NRXN3: variants seen among roughly 807,000 people sequenced by gnomAD.
The protein encoded by NRXN3 is neurexin III.
NRXN3 carries 32 observed loss-of-function variants against 137.6 expected under a neutral mutation model. The ratio of observed to expected loss-of-function variants is 0.23; its 90% CI spans 0.18 to 0.31. The LOEUF (loss-of-function observed/expected upper bound fraction) is 0.31. Among genes scored for constraint, NRXN3 ranks in the 10% least tolerant of loss-of-function variants. The probability of loss-of-function intolerance (pLI) is 1.00; values close to 1 mark genes in which losing one functional copy is unlikely to be tolerated. For missense variants in NRXN3, 1,574 were observed against 2,062.5 expected (o/e 0.76, Z 4.59); for synonymous variants, 798 against 784.5 (o/e 1.02, Z -0.29).
intron 15 of NRXN3, among the ~76,000 whole-genome samples, chr14:79,219,683 A>G (rs2069181098): frequency 6.6e-6 from 1 of 152,174 alleles, no homozygotes; most frequent in African/African-American, 2.4e-5. Flanking sequence ...GAAAATGCAA[A>G]GATTCACAAC....
intron 15 of NRXN3, among the ~76,000 whole-genome samples, chr14:79,307,796 A>T (rs1470785420): frequency 3.4e-5 from 5 of 146,944 alleles, no homozygotes; most frequent in African/African-American, 1.0e-4. Flanking sequence ...CTCTTTCTTT[A>T]TTTTTTTTCT....
At chr14:78,729,430 C>A (rs1348117007) in intron 8 of NRXN3, among the ~76,000 whole-genome samples, 1 of 152,054 alleles carries the variant, frequency 6.6e-6, no homozygotes. Context: ...TTAGGACTTT[C>A]CAAGGGGCAA....
intron 8 of NRXN3, among the ~76,000 whole-genome samples, chr14:78,755,807 C>T (rs1393257853): frequency 6.6e-6 from 1 of 152,142 alleles, no homozygotes; most frequent in Non-Finnish European, 1.5e-5. Context: ...TTGGCATTAC[C>T]AAAATGAATA....
rs560004605 is a variant in NRXN3 at position 79,279,363 on chromosome 14, T to C, written c.3263-187858T>C. On this transcript the variant is annotated intron_variant, in intron 15 of 20. Transcript: ENST00000335750. ...CATATGACTTGCCCATTTGTGAATTTGGCTCCCCAACTCCTCGCTTCACTT... is the reference window on the plus strand; with the variant it reads ...CATATGACTTGCCCATTTGTGAATTCGGCTCCCCAACTCCTCGCTTCACTT... 88 of 985,982 alleles carry C rather than the reference T, an allele frequency of 8.9e-5. No individual in the cohort carries two copies. The African/African-American group carries it at 1.4e-3, about 15-fold the overall frequency. The allele number at this position is 985,982 out of a possible 1,614,324, so 61.1% of individuals were successfully genotyped here. A position where few individuals can be genotyped will look rare whatever the true frequency, so the allele number is the denominator to read the frequency against.
At chr14:79,105,250 T>C (rs2052177982) in intron 15 of NRXN3, among the ~76,000 whole-genome samples, 1 of 152,150 alleles carries the variant, frequency 6.6e-6, no homozygotes, top group African/African-American at 2.4e-5. Flanking sequence ...ATGAATACTA[T>C]TTTAATGTCT....
chr14:78,288,997 A>G (rs1022265116), intron 3 of NRXN3, among the ~76,000 whole-genome samples: 4 of 152,190 alleles, frequency 2.6e-5, no homozygotes, highest in Admixed American at 2.0e-4. Flanking sequence ...ACAAAAGGCT[A>G]GGTGGTGAGG....
At chr14:79,371,542 T>C (rs1255618274) in intron 15 of NRXN3, among the ~76,000 whole-genome samples, 1 of 152,190 alleles carries the variant, frequency 6.6e-6, no homozygotes, top group African/African-American at 2.4e-5. Context: ...TAAAAAATGG[T>C]ATTTAAATCC....
At chr14:79,354,084 A>G (rs761611457) in intron 15 of NRXN3, among the ~76,000 whole-genome samples, 1 of 152,196 alleles carries the variant, frequency 6.6e-6, no homozygotes, top group Non-Finnish European at 1.5e-5. Flanking sequence ...TGAAAGTGAC[A>G]CATTCTTGTT....
At chr14:79,022,891 A>G (rs2099591956) in intron 15 of NRXN3, among the ~76,000 whole-genome samples, 1 of 152,152 alleles carries the variant, frequency 6.6e-6, no homozygotes, top group African/African-American at 2.4e-5. Context: ...GTTATTTATT[A>G]TAGAACAGCA....
At chr14:79,414,792 C>G (rs2597088) in intron 15 of NRXN3, among the ~76,000 whole-genome samples, 1 of 151,836 alleles carries the variant, frequency 6.6e-6, no homozygotes, top group Admixed American at 6.6e-5. Flanking sequence ...TCTCCATACT[C>G]TATATTAGGT....
At chr14:79,660,661 T>A (rs1010704244) in intron 16 of NRXN3, among the ~76,000 whole-genome samples, 2 of 152,202 alleles carry the variant, frequency 1.3e-5, no homozygotes. Flanking sequence ...ACTGAAAAGC[T>A]ACAGAATGCT....
intron 15 of NRXN3, among the ~76,000 whole-genome samples, chr14:79,002,299 A>G (rs1249172427): frequency 1.3e-5 from 2 of 152,112 alleles, no homozygotes; most frequent in African/African-American, 4.8e-5. Flanking sequence ...GGTTTGCTGC[A>G]CTATCAGCCT....
At chr14:78,178,539 C>T (rs951934581) in intron 1 of NRXN3, among the ~76,000 whole-genome samples, 5 of 152,128 alleles carry the variant, frequency 3.3e-5, no homozygotes, top group Non-Finnish European at 7.4e-5. Flanking sequence ...AACCTGAAGC[C>T]TATTTGTCTC....
intron 15 of NRXN3, among the ~76,000 whole-genome samples, chr14:79,371,044 C>A (rs1307264052): frequency 6.6e-6 from 1 of 152,114 alleles, no homozygotes. Context: ...CCATTTCTCT[C>A]ATATTGTGTG....
intron 4 of NRXN3, among the ~76,000 whole-genome samples, chr14:78,584,717 A>G (rs967167925): frequency 3.3e-5 from 5 of 152,226 alleles, no homozygotes; most frequent in Non-Finnish European, 5.9e-5. Context: ...AGAAACAATT[A>G]TTGGAGGAAT....
rs115946431 is a variant in NRXN3, at chr14:79,182,636, G to C, written c.3262+194495G>C. ...CTTGCTCACCTGCTGCTCACCTCCT[G>C]CTGTGTGGCCCCAGTTTCTAACGGG... On this transcript the variant is annotated intron_variant, in intron 15 of 20. Coordinates refer to ENST00000335750, the MANE Select transcript of NRXN3 (RefSeq NM_001330195.2). Among the ~76,000 whole-genome samples the C allele has an allele frequency of 3.1e-3, 472 of 152,254 alleles. 2 individuals carry two copies. Among genetic ancestry groups the C allele is most frequent in the African/African-American group, 0.011 (444 of 41,552 alleles).
chr14:78,935,126 T>G (rs990770166), intron 10 of NRXN3, among the ~76,000 whole-genome samples: 4 of 152,042 alleles, frequency 2.6e-5, no homozygotes, highest in African/African-American at 9.7e-5. Context: ...TTTCTGGCAT[T>G]GAATTATGAC....
At chr14:78,944,875 A>G (rs541969889) in intron 10 of NRXN3, among the ~76,000 whole-genome samples, 1 of 152,334 alleles carries the variant, frequency 6.6e-6, no homozygotes, top group East Asian at 1.9e-4. Flanking sequence ...ACTTCATAGT[A>G]TCCATCCCAG....
intron 16 of NRXN3, among the ~76,000 whole-genome samples, chr14:79,560,162 A>G (rs2097477107): frequency 6.6e-6 from 1 of 152,136 alleles, no homozygotes; most frequent in Non-Finnish European, 1.5e-5. Flanking sequence ...TTTCTATAAA[A>G]TTAATAATGT....
Sources: allele counts gnomAD v4.1 joint callset (sites outside exome capture counted in the v4.1 genomes callset), GRCh38; gene constraint gnomAD v4.1.1; transcripts MANE v1.5; gene names NCBI Gene and HGNC (gene_info 2026-07-23, HGNC 2026-07-21).